The following CYP2J2 variants were observed in gnomAD, a reference collection of about 807,000 sequenced individuals.
CYP2J2 encodes the protein cytochrome P450 2J2.
In CYP2J2, 41 loss-of-function variants were observed where a neutral mutation model predicts 48.8. The observed-to-expected ratio is 0.84, with a 90% CI of 0.66 to 1.09. The LOEUF is 1.09. Ranked by LOEUF, CYP2J2 falls within the 50% of genes least tolerant of loss-of-function variation. The pLI is 0.00. For missense variants in CYP2J2, 644 were observed against 617.3 expected (o/e 1.04, Z -0.46); for synonymous variants, 221 against 227.1 (o/e 0.97, Z 0.24).
At chr1:59,917,092 G>A (rs189267790) in intron 1 of CYP2J2, among the ~76,000 whole-genome samples, 4 of 152,214 alleles carry the variant, frequency 2.6e-5, no homozygotes, top group Non-Finnish European at 4.4e-5. Context: ...CGGCTCTTGC[G>A]GAAGTTGCTT....
chr1:59,957,145 C>T, the CYP2J2 span, among the ~76,000 whole-genome samples: 1 of 152,050 alleles, frequency 6.6e-6, no homozygotes, highest in Non-Finnish European at 1.5e-5. Context: ...TGTTTTTAAA[C>T]CATTAAGTTT....
chr1:59,950,661 C>G, the CYP2J2 span, among the ~76,000 whole-genome samples: 2 of 152,166 alleles, frequency 1.3e-5, no homozygotes, highest in Non-Finnish European at 2.9e-5. Flanking sequence ...TTTCTTTGCT[C>G]CCAATTCTAT....
chr1:59,926,028 G>A (rs887033111), intron 1 of CYP2J2, among the ~76,000 whole-genome samples: 5 of 152,142 alleles, frequency 3.3e-5, no homozygotes, highest in African/African-American at 4.8e-5. Flanking sequence ...TCTGAACACC[G>A]TTTGGCAAAA....
chr1:59,908,731 A>G (rs1299475302), intron 5 of CYP2J2, among the ~76,000 whole-genome samples: 2 of 152,194 alleles, frequency 1.3e-5, no homozygotes, highest in Admixed American at 6.5e-5. Flanking sequence ...GTAGGACCCA[A>G]TTCCTGATGT....
In CYP2J2 at chr1:59,905,052, A is replaced by G. The variant is rs953683422; in HGVS notation, c.1010T>C (p.Val337Ala). 1.9e-6 allele frequency: 3 copies of G among 1,612,312 alleles called. No homozygotes were observed. The highest frequency in any genetic ancestry group is 1.7e-6 in the Non-Finnish European group (2 of 1,179,618). ...AATCACTCTGTCAATCTCAGCTTGT[A>G]CTTTTTCTGGTAAAGAGGGAAGGGT... Reference protein sequence around the residue: ...MALYPEIQEKVQAEIDRVIGQ... With the variant: ...MALYPEIQEKAQAEIDRVIGQ... The change falls in exon 7 of 9, where the codon GTA becomes GCA. Residue 337 changes from valine (V) to alanine (A), a missense_variant. Physicochemically the swap from Val to Ala is moderately conservative, Grantham distance 64. Coordinates refer to ENST00000371204, the MANE Select transcript of CYP2J2 (RefSeq NM_000775.4).
chr1:59,955,279 CATATATATATATCCAT>C, the CYP2J2 span, among the ~76,000 whole-genome samples: 10,546 of 103,948 alleles, frequency 0.1, 1,015 homozygotes, highest in African/African-American at 0.3. Context: ...TATATATATC[CATATATATATATCCAT>C]ATATATATAT....
intron 1 of CYP2J2, among the ~76,000 whole-genome samples, chr1:59,918,948 A>G (rs1644489588): frequency 6.6e-6 from 1 of 152,216 alleles, no homozygotes; most frequent in Non-Finnish European, 1.5e-5. Context: ...AGACTGAACT[A>G]TTGAACCATG....
chr1:59,928,162 C>T (rs549823109), upstream of CYP2J2, among the ~76,000 whole-genome samples: 13 of 152,190 alleles, frequency 8.5e-5, no homozygotes, highest in African/African-American at 1.4e-4. Flanking sequence ...TATCAGTGGA[C>T]GTCAGGTTTG....
In CYP2J2 at chr1:59,909,777, T is replaced by G; in HGVS notation, c.861+7A>C. The stretch of plus-strand genomic sequence containing the variant: ...AACAAAATACAAAATGACTTTGGTT[T>G]TCTCACCTTTGACATTTCTTTAAGG... On this transcript the variant is annotated splice_region_variant and intron_variant, in intron 5 of 8. Transcript: ENST00000371204. 2 of 1,570,246 alleles carry G rather than the reference T, an allele frequency of 1.3e-6. No individual in the cohort carries two copies. The highest frequency in any genetic ancestry group is 1.7e-6 in the Non-Finnish European group (2 of 1,164,300).
intron 8 of CYP2J2, among the ~76,000 whole-genome samples, chr1:59,897,499 A>C (rs1193197193): frequency 6.6e-6 from 1 of 152,242 alleles, no homozygotes; most frequent in Non-Finnish European, 1.5e-5. Context: ...TAGGTGTCAA[A>C]GCTTTGGCCT....
the CYP2J2 span, among the ~76,000 whole-genome samples, chr1:59,943,991 T>C: frequency 1.1e-4 from 16 of 152,240 alleles, no homozygotes; most frequent in African/African-American, 2.7e-4. Flanking sequence ...TATACATATA[T>C]GCATTTGTAT....
intron 7 of CYP2J2, among the ~76,000 whole-genome samples, chr1:59,904,089 T>G (rs11572293): frequency 0.032 from 4,872 of 152,216 alleles, 136 homozygotes; most frequent in Admixed American, 0.087. Context: ...AAATTATACA[T>G]CTGTCAGAAG....
the CYP2J2 span, among the ~76,000 whole-genome samples, chr1:59,967,627 G>A: frequency 6.6e-6 from 1 of 152,154 alleles, no homozygotes; most frequent in East Asian, 1.9e-4. Flanking sequence ...GGCTTTCTAG[G>A]CTCTAATTTT....
chr1:59,912,386 G>T, intron 2 of CYP2J2, 75 bp from the exon 3 acceptor site: 2 of 1,474,830 alleles, frequency 1.4e-6, no homozygotes, highest in Non-Finnish European at 1.8e-6. Context: ...ATGGGAATGT[G>T]TATCAGATGA....
chr1:59,936,903 C>T, the CYP2J2 span, among the ~76,000 whole-genome samples: 3 of 152,160 alleles, frequency 2.0e-5, no homozygotes, highest in Admixed American at 6.5e-5. Flanking sequence ...ATCATAAATA[C>T]AAATTGATTT....
At chr1:59,953,162 G>A in the CYP2J2 span, among the ~76,000 whole-genome samples, 1 of 152,148 alleles carries the variant, frequency 6.6e-6, no homozygotes, top group African/African-American at 2.4e-5. Flanking sequence ...GACAACGGGT[G>A]GCTGCCCTTT....
chr1:59,955,537 C>T, the CYP2J2 span, among the ~76,000 whole-genome samples: 4 of 151,972 alleles, frequency 2.6e-5, no homozygotes, highest in African/African-American at 9.7e-5. Flanking sequence ...CCACTGATTG[C>T]TTTTTACTTG....
chr1:59,915,152 G>A (rs531682069), intron 2 of CYP2J2, among the ~76,000 whole-genome samples: 13 of 152,156 alleles, frequency 8.5e-5, no homozygotes, highest in South Asian at 2.1e-4. Context: ...CTCTCCTGCC[G>A]CATTCCTCCT....
At chr1:59,922,392 T>C (rs1644524481) in intron 1 of CYP2J2, among the ~76,000 whole-genome samples, 1 of 152,244 alleles carries the variant, frequency 6.6e-6, no homozygotes, top group Non-Finnish European at 1.5e-5. Flanking sequence ...TATTAGTTAG[T>C]ACTTAATGTT....
Sources: gnomAD v4.1 joint callset for allele counts (sites outside exome capture counted in the v4.1 genomes callset) on GRCh38, gnomAD v4.1.1 for gene constraint, MANE v1.5 for transcripts, NCBI Gene and HGNC (gene_info 2026-07-23, HGNC 2026-07-21) for gene names.